Variants in FHOD3 observed in about 807,000 individuals in gnomAD.
FHOD3 encodes FH1/FH2 domain-containing protein 3.
Under a neutral mutation model 173.0 loss-of-function variants are expected in FHOD3, and 90 were observed. The observed-to-expected ratio is 0.52, with a 90% CI of 0.44 to 0.62. The LOEUF (loss-of-function observed/expected upper bound fraction) is 0.62, where lower values mean the gene tolerates loss of function less well. Among genes scored for constraint, FHOD3 ranks in the 20% least tolerant of loss-of-function variants. FHOD3 has a pLI of 0.00. For missense variants in FHOD3, 1,945 were observed against 2,034.7 expected (o/e 0.96, Z 0.85); for synonymous variants, 828 against 823.0 (o/e 1.01, Z -0.10).
At chr18:36,369,508 G>T (rs12964275) in intron 2 of FHOD3, among the ~76,000 whole-genome samples, 28,554 of 93,956 alleles carry the variant, frequency 0.3, 4,774 homozygotes, top group African/African-American at 0.57. Context: ...CATATATATA[G>T]AGAGAGAGAG....
rs770836110 is a variant in FHOD3 at position 36,769,342 on chromosome 18, C to T, written c.4702C>T (p.Arg1568Cys). 6.2e-6 allele frequency: 10 copies of T among 1,613,990 alleles called. No homozygotes were observed. The highest frequency in any genetic ancestry group is 3.3e-5 in the South Asian group (3 of 91,082). ...TGATGCAGCTGATGAGATCATGGAC[C>T]GCATCGTCAAGTCAGCCACCCAAGT... Reference protein sequence around the residue: ...TDDAADEIMDRIVKSATQVPS... With the variant: ...TDDAADEIMDCIVKSATQVPS... The change falls in exon 28 of 29, where the codon CGC becomes TGC. Residue 1568 changes from arginine (R) to cysteine (C), a missense_variant. Transcript: ENST00000590592.
intron 3 of FHOD3, among the ~76,000 whole-genome samples, chr18:36,469,525 TA>T (rs2053152698): frequency 6.6e-6 from 1 of 152,270 alleles, no homozygotes; most frequent in Admixed American, 6.5e-5. Context: ...TATCCTTTGG[TA>T]GTGGGAGTTC....
intron 10 of FHOD3, among the ~76,000 whole-genome samples, chr18:36,629,798 G>A (rs2034379545): frequency 6.6e-6 from 1 of 152,148 alleles, no homozygotes; most frequent in Non-Finnish European, 1.5e-5. Context: ...GTCCAGGGAA[G>A]ATTGGACTGT....
At chr18:36,724,098 A>C (rs1396978969) in intron 19 of FHOD3, among the ~76,000 whole-genome samples, 2 of 152,150 alleles carry the variant, frequency 1.3e-5, no homozygotes, top group African/African-American at 4.8e-5. Flanking sequence ...AGATTCTTAA[A>C]TACTTTTACT....
intron 9 of FHOD3, among the ~76,000 whole-genome samples, chr18:36,613,529 A>G (rs1007463487): frequency 2.6e-4 from 40 of 152,198 alleles, no homozygotes; most frequent in African/African-American, 1.9e-4. Flanking sequence ...TATGACCTCA[A>G]CCAGGAAAGT....
chr18:36,342,404 T>C (rs55775019), intron 1 of FHOD3, among the ~76,000 whole-genome samples: 1,550 of 152,204 alleles, frequency 0.01, 26 homozygotes, highest in African/African-American at 0.036. Flanking sequence ...GTAATCTGCA[T>C]GCAAGCACAT....
chr18:36,748,144 C>G (rs776082441), intron 24 of FHOD3, among the ~76,000 whole-genome samples: 3 of 152,124 alleles, frequency 2.0e-5, no homozygotes, highest in Non-Finnish European at 4.4e-5. Context: ...TCCAGGTTGA[C>G]AACTATCCGT....
At chr18:36,342,393 G>T (rs572995402) in intron 1 of FHOD3, among the ~76,000 whole-genome samples, 1 of 151,962 alleles carries the variant, frequency 6.6e-6, no homozygotes, top group East Asian at 1.9e-4. Flanking sequence ...ATAATTACAA[G>T]GTAATCTGCA....
intron 20 of FHOD3, among the ~76,000 whole-genome samples, chr18:36,732,579 A>G (rs1376829151): frequency 6.6e-6 from 1 of 152,182 alleles, no homozygotes; most frequent in Non-Finnish European, 1.5e-5. Context: ...GATACCAGTC[A>G]TTGGACTTAG....
At chr18:36,686,044 C>G (rs1312169683) in intron 15 of FHOD3, among the ~76,000 whole-genome samples, 1 of 151,988 alleles carries the variant, frequency 6.6e-6, no homozygotes, top group Non-Finnish European at 1.5e-5. Context: ...GACAGTGTGG[C>G]GATTCCTCAG....
At chr18:36,519,777 T>C (rs79519867) in intron 5 of FHOD3, among the ~76,000 whole-genome samples, 1,650 of 152,282 alleles carry the variant, frequency 0.011, 35 homozygotes, top group African/African-American at 0.038. Context: ...CTGAGCCCTT[T>C]ACCTCATTGG....
At chr18:36,458,772 GA>G (rs79052263) in intron 3 of FHOD3, among the ~76,000 whole-genome samples, 18,249 of 145,982 alleles carry the variant, frequency 0.13, 1,484 homozygotes, top group East Asian at 0.3. Context: ...TAGCTTTCAT[GA>G]ATCTTTCCCA....
In FHOD3 at chr18:36,720,229, T is replaced by C. The variant is rs568139459; in HGVS notation, c.3417+1514T>C. Among the ~76,000 whole-genome samples, 76 of 138,192 alleles carry C rather than the reference T, an allele frequency of 5.5e-4. No homozygotes were observed. The East Asian group carries it at 0.015, about 27-fold the overall frequency. The allele number at this position is 138,192 out of a possible 152,430, so 90.7% of individuals were successfully genotyped here. On this transcript the variant is annotated intron_variant, in intron 19 of 28. Transcript: ENST00000590592. Reference sequence around the variant, plus strand: ...GTGCCGAGCCATCCACATGCCCCGTTCCAATTCTTTTTTTTTTTTTTTTTT... The same window carrying C: ...GTGCCGAGCCATCCACATGCCCCGTCCCAATTCTTTTTTTTTTTTTTTTTT...
chr18:36,623,568 T>A (rs955154302), intron 9 of FHOD3, among the ~76,000 whole-genome samples: 1 of 152,220 alleles, frequency 6.6e-6, no homozygotes, highest in Non-Finnish European at 1.5e-5. Context: ...GCAGTTACAA[T>A]GCAGAAGGAT....
intron 5 of FHOD3, among the ~76,000 whole-genome samples, chr18:36,556,709 G>C (rs924745763): frequency 6.6e-6 from 1 of 152,094 alleles, no homozygotes; most frequent in Non-Finnish European, 1.5e-5. Context: ...CTTTTAAAGA[G>C]TTTTTTTAAA....
intron 3 of FHOD3, among the ~76,000 whole-genome samples, chr18:36,416,553 C>T (rs2049662401): frequency 6.6e-6 from 1 of 152,318 alleles, no homozygotes; most frequent in South Asian, 2.1e-4. Context: ...TTACTTTGTT[C>T]AGTTTCTACT....
intron 3 of FHOD3, among the ~76,000 whole-genome samples, chr18:36,385,941 G>C (rs1337571172): frequency 3.3e-5 from 5 of 152,136 alleles, no homozygotes; most frequent in Non-Finnish European, 7.4e-5. Context: ...GCATGAAAAG[G>C]AATTAAAACA....
chr18:36,721,684 G>T (rs1265336103), intron 19 of FHOD3, among the ~76,000 whole-genome samples: 1 of 152,140 alleles, frequency 6.6e-6, no homozygotes, highest in East Asian at 1.9e-4. Context: ...CATTACACTG[G>T]AGAGCTGAAT....
chr18:36,347,071 A>T (rs970089059), intron 1 of FHOD3, among the ~76,000 whole-genome samples: 2 of 152,226 alleles, frequency 1.3e-5, no homozygotes, highest in African/African-American at 2.4e-5. Context: ...TCCCCAGGAC[A>T]CAGTGTAGTG....
Sources: allele counts gnomAD v4.1 joint callset (sites outside exome capture counted in the v4.1 genomes callset), GRCh38; gene constraint gnomAD v4.1.1; transcripts MANE v1.5; gene names NCBI Gene and HGNC (gene_info 2026-07-23, HGNC 2026-07-21).